Variants in KCNIP4 observed in about 807,000 individuals in gnomAD.
KCNIP4 encodes the protein potassium voltage-gated channel interacting protein 4.
In KCNIP4, 12 loss-of-function variants were observed where a neutral mutation model predicts 34.0. The observed-to-expected ratio is 0.35, with a 90% CI of 0.23 to 0.57. KCNIP4 has a LOEUF of 0.57. Among genes scored for constraint, KCNIP4 ranks in the 20% least tolerant of loss-of-function variants. The probability of loss-of-function intolerance (pLI) is 0.83; values close to 1 mark genes in which losing one functional copy is unlikely to be tolerated. For missense variants in KCNIP4, 238 were observed against 311.7 expected (o/e 0.76, Z 1.78); for synonymous variants, 124 against 102.2 (o/e 1.21, Z -1.29).
At chr4:21,907,577 T>G (rs1728073734) in intron 1 of KCNIP4, among the ~76,000 whole-genome samples, 1 of 152,190 alleles carries the variant, frequency 6.6e-6, no homozygotes, top group African/African-American at 2.4e-5. Context: ...GATTTTTATT[T>G]AGAAATGAAC....
intron 1 of KCNIP4, among the ~76,000 whole-genome samples, chr4:21,352,618 G>T (rs1302749353): frequency 7.2e-5 from 11 of 152,242 alleles, no homozygotes. Flanking sequence ...AAACAAAGCA[G>T]CCAGGAAGCC....
intron 1 of KCNIP4, among the ~76,000 whole-genome samples, chr4:21,225,365 T>A (rs1028551024): frequency 7.2e-5 from 11 of 152,182 alleles, no homozygotes; most frequent in African/African-American, 2.7e-4. Flanking sequence ...GAGATTGTCT[T>A]GTGTTTGAAT....
intron 1 of KCNIP4, among the ~76,000 whole-genome samples, chr4:21,869,297 G>A (rs564837627): frequency 5.3e-5 from 8 of 152,222 alleles, no homozygotes; most frequent in African/African-American, 1.4e-4. Flanking sequence ...GTGGAGTATG[G>A]AGAACTCCTT....
chr4:20,867,757 AT>A (rs1403851504), intron 2 of KCNIP4, among the ~76,000 whole-genome samples: 6 of 152,216 alleles, frequency 3.9e-5, no homozygotes, highest in African/African-American at 7.2e-5. Context: ...GGAGGCCATC[AT>A]TCTCAGCAAA....
At chr4:21,042,434 A>G (rs936730059) in intron 1 of KCNIP4, among the ~76,000 whole-genome samples, 2 of 152,222 alleles carry the variant, frequency 1.3e-5, no homozygotes, top group African/African-American at 4.8e-5. Flanking sequence ...TAAGTCAGAC[A>G]CAGAAAGACA....
At chr4:21,229,210 T>G (rs1268930424) in intron 1 of KCNIP4, among the ~76,000 whole-genome samples, 1 of 152,170 alleles carries the variant, frequency 6.6e-6, no homozygotes, top group East Asian at 1.9e-4. Flanking sequence ...TCTTCACAAA[T>G]AATGCCTATT....
At chr4:21,665,150 AT>A (rs1419580846) in intron 1 of KCNIP4, among the ~76,000 whole-genome samples, 3 of 152,144 alleles carry the variant, frequency 2.0e-5, no homozygotes, top group African/African-American at 4.8e-5. Context: ...GAAAGAAATA[AT>A]TTTTTAAAGC....
intron 1 of KCNIP4, among the ~76,000 whole-genome samples, chr4:21,696,109 T>C (rs935146041): frequency 6.6e-6 from 1 of 152,154 alleles, no homozygotes; most frequent in Non-Finnish European, 1.5e-5. Context: ...AAAATGCGGA[T>C]ATTAACAGGA....
At chr4:21,127,412 T>C (rs1282363063) in intron 1 of KCNIP4, among the ~76,000 whole-genome samples, 1 of 152,246 alleles carries the variant, frequency 6.6e-6, no homozygotes, top group Non-Finnish European at 1.5e-5. Flanking sequence ...TTATTCAACC[T>C]GTCTCTCATG....
At chr4:21,879,506 C>T (rs1203794346) in intron 1 of KCNIP4, among the ~76,000 whole-genome samples, 1 of 152,188 alleles carries the variant, frequency 6.6e-6, no homozygotes, top group African/African-American at 2.4e-5. Flanking sequence ...ATTCAGGCTT[C>T]TTGTCCAAAC....
Position 20,730,431 on chromosome 4 carries a change from TAC to T in KCNIP4, c.706-304_706-303del, listed in dbSNP as rs530205763. 8.3e-4 allele frequency among the ~76,000 whole-genome samples: 126 copies of T among 152,164 alleles called. 2 individuals are homozygous for T. In the South Asian group the frequency reaches 0.025, roughly 30 times the overall value. ...CAAATCATAATGCCAAAATGGAAAC[TAC>T]AGAGGTGCAGAGGTGTGTCAAAGCA... On this transcript the variant is annotated intron_variant, in intron 8 of 8. Transcript: ENST00000382152.
chr4:20,973,632 G>A lies in KCNIP4; in HGVS notation c.62-90923C>T, dbSNP rs539761362. ...TGGCCAGTCTTGACTTTCATCATGC[G>A]TTCCTCACTAAGCTTAATACTTTCT... On this transcript the variant is annotated intron_variant, in intron 1 of 8. Coordinates refer to ENST00000382152, the MANE Select transcript of KCNIP4 (RefSeq NM_025221.6). Among the ~76,000 whole-genome samples the A allele has an allele frequency of 1.4e-4, 22 of 152,302 alleles. No individual in the cohort carries two copies. The South Asian group carries it at 1.9e-3, about 13-fold the overall frequency.
intron 1 of KCNIP4, among the ~76,000 whole-genome samples, chr4:21,363,750 GC>G (rs1719456295): frequency 1.3e-5 from 2 of 152,048 alleles, no homozygotes; most frequent in African/African-American, 4.8e-5. Flanking sequence ...TATCATTCCT[GC>G]CCTCATTTTA....
At chr4:21,478,774 G>T (rs1731196325) in intron 1 of KCNIP4, among the ~76,000 whole-genome samples, 1 of 152,126 alleles carries the variant, frequency 6.6e-6, no homozygotes, top group Non-Finnish European at 1.5e-5. Context: ...TGATTATAGG[G>T]TTTCTAGATT....
intron 1 of KCNIP4, chr4:21,843,840 GTAAGT>G (rs1723842682): frequency 6.6e-6 from 1 of 152,068 alleles, no homozygotes; most frequent in Non-Finnish European, 1.5e-5. Context: ...AAACTCCTCA[GTAAGT>G]TTTATATTTT....
chr4:21,855,244 A>G (rs1025225876), intron 1 of KCNIP4, among the ~76,000 whole-genome samples: 3 of 152,192 alleles, frequency 2.0e-5, no homozygotes, highest in African/African-American at 7.2e-5. Context: ...GACAGTCTAC[A>G]TAAGAGTTTT....
chr4:20,781,530 G>C (rs146536899), intron 3 of KCNIP4, among the ~76,000 whole-genome samples: 3,398 of 152,252 alleles, frequency 0.022, 129 homozygotes, highest in African/African-American at 0.077. Context: ...CATGGCAGGA[G>C]GCAGAAGGCA....
intron 1 of KCNIP4, among the ~76,000 whole-genome samples, chr4:21,945,461 C>T (rs1730457826): frequency 6.6e-6 from 1 of 152,002 alleles, no homozygotes; most frequent in Admixed American, 6.5e-5. Context: ...TCAATATTAC[C>T]CTTGTGGAAT....
chr4:21,491,682 A>G (rs1732411397), intron 1 of KCNIP4, among the ~76,000 whole-genome samples: 2 of 152,284 alleles, frequency 1.3e-5, no homozygotes, highest in South Asian at 2.1e-4. Context: ...CTGAAATGAC[A>G]TTGGAAATAG....
Sources: gnomAD v4.1 joint callset for allele counts (sites outside exome capture counted in the v4.1 genomes callset) on GRCh38, gnomAD v4.1.1 for gene constraint, MANE v1.5 for transcripts, NCBI Gene and HGNC (gene_info 2026-07-23, HGNC 2026-07-21) for gene names.